Variants in CDH12 observed in about 807,000 individuals in gnomAD.
The protein encoded by CDH12 is cadherin-12.
Under a neutral mutation model 74.1 loss-of-function variants are expected in CDH12, and 41 were observed. The observed-to-expected ratio is 0.55, with a 90% confidence interval of 0.43 to 0.72. The LOEUF (loss-of-function observed/expected upper bound fraction) is 0.72. CDH12 is among the 30% of genes least tolerant of loss of function. The pLI is 0.00. For missense variants in CDH12, 945 were observed against 977.2 expected, an observed-to-expected ratio of 0.97 and a Z score of 0.44; for synonymous variants, 399 against 355.0, an observed-to-expected ratio of 1.12 and a Z score of -1.39.
chr5:22,031,441 T>G (rs1228426644), intron 5 of CDH12, among the ~76,000 whole-genome samples: 1 of 152,194 alleles, frequency 6.6e-6, no homozygotes, highest in Non-Finnish European at 1.5e-5. Context: ...ACTGTTTCAC[T>G]TTATTATCAT....
At chr5:21,910,128 T>A (rs977122126) in intron 6 of CDH12, among the ~76,000 whole-genome samples, 6 of 152,164 alleles carry the variant, frequency 3.9e-5, no homozygotes, top group Non-Finnish European at 8.8e-5. Flanking sequence ...ACCACTTATC[T>A]AAATGAGTTG....
intron 4 of CDH12, among the ~76,000 whole-genome samples, chr5:22,173,718 A>G (rs1434787101): frequency 6.6e-6 from 1 of 151,906 alleles, no homozygotes; most frequent in African/African-American, 2.4e-5. Flanking sequence ...CTCCTACCAC[A>G]TACACTGTGA....
chr5:22,848,390 T>C (rs1737402801), intron 1 of CDH12, among the ~76,000 whole-genome samples: 1 of 152,216 alleles, frequency 6.6e-6, no homozygotes, highest in Admixed American at 6.6e-5. Context: ...GCCAGATTAA[T>C]AGCCTATTCT....
At chr5:22,624,524 G>A (rs1480683571) in intron 1 of CDH12, among the ~76,000 whole-genome samples, 3 of 152,154 alleles carry the variant, frequency 2.0e-5, no homozygotes, top group Non-Finnish European at 4.4e-5. Context: ...CTTCTCAAAA[G>A]AAGACATTTA....
intron 6 of CDH12, among the ~76,000 whole-genome samples, chr5:21,950,063 G>T (rs1387643856): frequency 2.0e-5 from 3 of 152,054 alleles, no homozygotes; most frequent in Non-Finnish European, 4.4e-5. Flanking sequence ...TACCATTTTT[G>T]ATTTTTGACT....
intron 10 of CDH12, among the ~76,000 whole-genome samples, chr5:21,787,994 TTGC>T (rs749308883): frequency 3.9e-5 from 6 of 152,198 alleles, no homozygotes; most frequent in Non-Finnish European, 7.3e-5. Context: ...TCTGAAAGAA[TTGC>T]TGATGTAGGC....
chr5:22,389,956 A>C (rs1742166119), intron 3 of CDH12, among the ~76,000 whole-genome samples: 1 of 151,894 alleles, frequency 6.6e-6, no homozygotes, highest in Non-Finnish European at 1.5e-5. Context: ...CCGACAATTG[A>C]TTTTTAAAAA....
intron 2 of CDH12, among the ~76,000 whole-genome samples, chr5:22,476,353 T>A (rs897367173): frequency 2.6e-5 from 4 of 152,122 alleles, no homozygotes; most frequent in Admixed American, 1.3e-4. Flanking sequence ...GTTTATTGAA[T>A]GGTACACATC....
chr5:22,032,721 GTATATACATATTTTTGTA>G (rs1383220064), intron 5 of CDH12, among the ~76,000 whole-genome samples: 1 of 142,818 alleles, frequency 7.0e-6, no homozygotes, highest in Non-Finnish European at 1.5e-5. Flanking sequence ...AAAAAAAAAT[GTATATACATATTTTTGTA>G]TATATACATA....
chr5:22,189,839 T>A (rs935651704), intron 4 of CDH12, among the ~76,000 whole-genome samples: 7 of 24,574 alleles, frequency 2.8e-4, no homozygotes, highest in East Asian at 6.2e-3. Flanking sequence ...CTCAGAAGCA[T>A]TACCACATCT....
At chr5:22,119,205 C>A (rs1745354118) in intron 4 of CDH12, among the ~76,000 whole-genome samples, 1 of 151,560 alleles carries the variant, frequency 6.6e-6, no homozygotes, top group Non-Finnish European at 1.5e-5. Flanking sequence ...GTTGTGAACA[C>A]TGGCATTCTT....
At chr5:22,001,526 G>A (rs1348778092) in intron 5 of CDH12, among the ~76,000 whole-genome samples, 2 of 151,886 alleles carry the variant, frequency 1.3e-5, no homozygotes, top group Non-Finnish European at 2.9e-5. Context: ...TTAGGTTCAG[G>A]AGTACATGTG....
chr5:22,703,657 C>T (rs1216105110), intron 1 of CDH12, among the ~76,000 whole-genome samples: 2 of 152,122 alleles, frequency 1.3e-5, no homozygotes, highest in Non-Finnish European at 2.9e-5. Flanking sequence ...TCTTTGAACC[C>T]TATCTTCCCT....
chr5:22,209,050 C>A (rs541153098), intron 4 of CDH12, among the ~76,000 whole-genome samples: 1 of 152,258 alleles, frequency 6.6e-6, no homozygotes, highest in African/African-American at 2.4e-5. Context: ...GTATCTGGTA[C>A]AATGTCATCT....
At chr5:22,426,727 G>A (rs974379806) in intron 2 of CDH12, among the ~76,000 whole-genome samples, 1 of 151,988 alleles carries the variant, frequency 6.6e-6, no homozygotes, top group African/African-American at 2.4e-5. Context: ...ATAATTAAAA[G>A]TGAACTTTTT....
chr5:22,207,253 T>G (rs1751275552), intron 4 of CDH12, among the ~76,000 whole-genome samples: 1 of 151,218 alleles, frequency 6.6e-6, no homozygotes, highest in Non-Finnish European at 1.5e-5. Context: ...AAAAAAAAAT[T>G]CTACCAAATA....
intron 1 of CDH12, among the ~76,000 whole-genome samples, chr5:22,783,199 T>A (rs2126354882): frequency 6.6e-6 from 1 of 152,278 alleles, no homozygotes; most frequent in South Asian, 2.1e-4. Flanking sequence ...GTAACATATT[T>A]ATAAATATGC....
rs74528594 is a variant in CDH12 at position 22,343,148 on chromosome 5, T to A, written c.-333+62109A>T. On this transcript the variant is annotated intron_variant, in intron 3 of 14. Transcript: ENST00000382254. ...GGGATTACAGGCCTAAGCCACCTCA[T>A]CTGGCCTCCCCTGGTATTTTCAAAG... 7.3e-3 allele frequency among the ~76,000 whole-genome samples: 1,102 copies of A among 151,716 alleles called. 12 individuals carry two copies. Among genetic ancestry groups the A allele is most frequent in the African/African-American group, 0.025 (1,049 of 41,348 alleles).
intron 3 of CDH12, among the ~76,000 whole-genome samples, chr5:22,315,633 G>T (rs1738599653): frequency 6.6e-6 from 1 of 152,076 alleles, no homozygotes; most frequent in South Asian, 2.1e-4. Flanking sequence ...TAAAATGATG[G>T]ATTAGAAATG....
Sources: gnomAD v4.1 joint callset for allele counts (sites outside exome capture counted in the v4.1 genomes callset) on GRCh38, gnomAD v4.1.1 for gene constraint, MANE v1.5 for transcripts, NCBI Gene and HGNC (gene_info 2026-07-23, HGNC 2026-07-21) for gene names.